IKBIP: variants seen among roughly 807,000 people sequenced by gnomAD.
IKBIP encodes the protein IKBKB interacting protein, also known as inhibitor of nuclear factor kappa-B kinase-interacting protein.
In IKBIP, 28 loss-of-function variants were observed where a neutral mutation model predicts 31.0. The ratio of observed to expected loss-of-function variants is 0.90; its 90% confidence interval spans 0.67 to 1.24. IKBIP has a LOEUF of 1.24. Among genes scored for constraint, IKBIP ranks in the 50% most tolerant of loss-of-function variants. The pLI, the probability that IKBIP is intolerant of heterozygous loss-of-function variation, is 0.00. For missense variants in IKBIP, 453 were observed against 441.9 expected, an observed-to-expected ratio of 1.03 and a Z score of -0.23; for synonymous variants, 164 against 160.3, an observed-to-expected ratio of 1.02 and a Z score of -0.17.
chr12:98,634,200 A>C lies in IKBIP; in HGVS notation c.297+96T>G. The C allele has an allele frequency of 1.2e-5, 8 of 679,258 alleles. No homozygotes were observed. The South Asian group carries it at 1.4e-4, about 12-fold the overall frequency. The allele number at this position is 679,258 out of a possible 1,614,324, so 42.1% of individuals were successfully genotyped here. ...TGAGAGTTAAAATAGTGATGGTCTA[A>C]AAGGCAGGAAGAAAGAAGTTCTGAG... On this transcript the variant is annotated intron_variant, in intron 2 of 2. Coordinates refer to ENST00000299157, the MANE Select transcript of IKBIP (RefSeq NM_153687.4).
chr12:98,637,492 T>A (rs1467117096), intron 1 of IKBIP, among the ~76,000 whole-genome samples: 2 of 152,162 alleles, frequency 1.3e-5, no homozygotes, highest in East Asian at 3.9e-4. Context: ...TACTGCAACC[T>A]CTGCCTCCCG....
intron 1 of IKBIP, among the ~76,000 whole-genome samples, 166 bp from the exon 2 acceptor site, chr12:98,634,579 G>A (rs1211763694): frequency 6.7e-6 from 1 of 149,466 alleles, no homozygotes; most frequent in Non-Finnish European, 1.5e-5. Context: ...CTGTCACCCA[G>A]GCTGGAATGC....
rs1565835705 is a variant in IKBIP, at chr12:98,613,930, TG to T, written c.707del (p.Ser236TyrfsTer11). ...TCTTCTTAACAGAGTTAATTCTTTG[TG>T]AATTTTCAGATGCTGTCTTTCGGAG... On this transcript the variant is annotated frameshift_variant, in exon 3 of 3. Transcript: ENST00000342502. LOFTEE classifies it high-confidence loss of function. 6.2e-7 allele frequency: 1 copy of T among 1,613,820 alleles called. No individual in the cohort carries two copies. The highest frequency in any genetic ancestry group is 8.5e-7 in the Non-Finnish European group (1 of 1,179,840).
At chr12:98,642,888 T>C (rs1466576556) in intron 1 of IKBIP, among the ~76,000 whole-genome samples, 1 of 149,172 alleles carries the variant, frequency 6.7e-6, no homozygotes, top group Non-Finnish European at 1.5e-5. Flanking sequence ...CATGAGCCAC[T>C]GCCGGCAGGC....
chr12:98,623,230 G>A (rs1041013598), downstream of IKBIP, among the ~76,000 whole-genome samples: 12 of 150,556 alleles, frequency 8.0e-5, 1 homozygote, highest in African/African-American at 2.0e-4. Flanking sequence ...CGCCCACCTC[G>A]GCCTCCCAAA....
intron 2 of IKBIP, among the ~76,000 whole-genome samples, chr12:98,617,431 G>A (rs1417635425): frequency 3.3e-5 from 5 of 152,214 alleles, no homozygotes; most frequent in African/African-American, 1.2e-4. Context: ...TATTTTTGTT[G>A]TTGTTTGTGG....
intron 1 of IKBIP, among the ~76,000 whole-genome samples, chr12:98,640,158 C>T (rs917928610): frequency 3.3e-5 from 5 of 152,142 alleles, no homozygotes; most frequent in South Asian, 4.1e-4. Flanking sequence ...CAATTTAGGC[C>T]AGGCACGGTG....
intron 1 of IKBIP, among the ~76,000 whole-genome samples, chr12:98,635,404 C>T (rs2153300014): frequency 6.6e-6 from 1 of 152,320 alleles, no homozygotes; most frequent in East Asian, 1.9e-4. Flanking sequence ...CTAGATGCAG[C>T]TTTTATCAGT....
At chr12:98,629,543 G>A (rs1285271557) in intron 2 of IKBIP, among the ~76,000 whole-genome samples, 1 of 151,432 alleles carries the variant, frequency 6.6e-6, no homozygotes, top group Non-Finnish European at 1.5e-5. Context: ...TTGGTGACCG[G>A]GCAAGACCCT....
At chr12:98,631,172 G>C (rs2097619828) in intron 2 of IKBIP, among the ~76,000 whole-genome samples, 1 of 151,994 alleles carries the variant, frequency 6.6e-6, no homozygotes, top group Non-Finnish European at 1.5e-5. Flanking sequence ...GACCTCAGGT[G>C]ATCCACCTGC....
At chr12:98,614,095 C>T in exon 3 of IKBIP, 1 of 1,613,014 alleles carries the variant, frequency 6.2e-7, no homozygotes, top group Non-Finnish European at 8.5e-7. Context: ...AACCTGAAAT[C>T]CGTCGTATAT....
intron 1 of IKBIP, among the ~76,000 whole-genome samples, chr12:98,636,989 T>C (rs866774156): frequency 1.3e-5 from 2 of 152,022 alleles, no homozygotes; most frequent in African/African-American, 2.4e-5. Context: ...TACTCCACCA[T>C]AGATCTATAC....
chr12:98,613,974 T>C (rs146534278), exon 3 of IKBIP: 2 of 1,612,500 alleles, frequency 1.2e-6, no homozygotes, highest in African/African-American at 2.7e-5. Flanking sequence ...GTTCGATCAA[T>C]ACTGCTTGAA....
chr12:98,624,719 T>C lies in IKBIP; in HGVS notation c.*1211A>G. 6.7e-6 allele frequency: 6 copies of C among 892,330 alleles called. No individual in the cohort carries two copies. Among genetic ancestry groups the C allele is most frequent in the Non-Finnish European group, 8.1e-6 (6 of 745,144 alleles). 55.3% of individuals were successfully genotyped at this position (892,330 alleles called of 1,614,324 possible). A position where few individuals can be genotyped will look rare whatever the true frequency, so the allele number is the denominator to read the frequency against. On this transcript the variant is annotated 3_prime_UTR_variant, in exon 3 of 3. Coordinates refer to ENST00000299157, the MANE Select transcript of IKBIP (RefSeq NM_153687.4). ...GGTTTGGGAAATCTTTAAAATGACG[T>C]ATTTTTAACTATCATAGTTATTATC...
rs939574430 is a variant in IKBIP, at chr12:98,625,284, A to G, written c.*646T>C. ...AAAGTCTTACAAGTATCTGTAACAC[A>G]GTTTAGAACCTTAACAAAAACTAAA... On this transcript the variant is annotated 3_prime_UTR_variant, in exon 3 of 3. Coordinates refer to ENST00000299157, the MANE Select transcript of IKBIP (RefSeq NM_153687.4). 4 of 983,340 alleles carry G rather than the reference A, an allele frequency of 4.1e-6. No homozygotes were observed. In the African/African-American group the frequency reaches 7.0e-5, roughly 17 times the overall value. The allele number at this position is 983,340 out of a possible 1,614,324, so 60.9% of individuals were successfully genotyped here.
In IKBIP at chr12:98,624,830, A is replaced by T; in HGVS notation, c.*1100T>A. Reference sequence around the variant, plus strand: ...TTTATTTATTTATTTATTGAGACAGAGTCTCACTTTGCCACTCAGGCTGGA... The same window carrying T: ...TTTATTTATTTATTTATTGAGACAGTGTCTCACTTTGCCACTCAGGCTGGA... On this transcript the variant is annotated 3_prime_UTR_variant, in exon 3 of 3. Transcript: ENST00000299157. 5.4e-6 allele frequency: 4 copies of T among 741,180 alleles called. No homozygotes were observed. Among genetic ancestry groups the T allele is most frequent in the Non-Finnish European group, 6.6e-6 (4 of 607,190 alleles). 45.9% of individuals were successfully genotyped at this position (741,180 alleles called of 1,614,324 possible).
exon 3 of IKBIP, chr12:98,613,607 G>A (rs372913789): frequency 1.7e-5 from 25 of 1,513,846 alleles, no homozygotes; most frequent in Admixed American, 2.1e-5. Context: ...TGAAATGTGT[G>A]CTATTTCATC....
intron 2 of IKBIP, chr12:98,614,343 A>C (rs2097605090): frequency 1.4e-6 from 2 of 1,439,524 alleles, no homozygotes; most frequent in East Asian, 4.6e-5. Context: ...TTCTGCCACT[A>C]TAAGAAAATA....
chr12:98,640,814 T>C (rs1304939588), intron 1 of IKBIP, among the ~76,000 whole-genome samples: 1 of 151,782 alleles, frequency 6.6e-6, no homozygotes, highest in African/African-American at 2.4e-5. Context: ...CCAGGCTGAG[T>C]GCTGTGGTGC....
Sources: gnomAD v4.1 joint callset for allele counts (sites outside exome capture counted in the v4.1 genomes callset) on GRCh38, gnomAD v4.1.1 for gene constraint, MANE v1.5 for transcripts, NCBI Gene and HGNC (gene_info 2026-07-23, HGNC 2026-07-21) for gene names.